Variants in LAMA4 observed in about 807,000 individuals in gnomAD.
LAMA4 encodes laminin subunit alpha-4.
LAMA4 carries 127 observed loss-of-function variants against 207.1 expected under a neutral mutation model. That is an observed-to-expected ratio of 0.61 (90% confidence interval 0.53 to 0.71). LAMA4 has a LOEUF of 0.71. Ranked by LOEUF, LAMA4 falls within the 30% of genes least tolerant of loss-of-function variation. The probability of loss-of-function intolerance (pLI) is 0.00; values close to 1 mark genes in which losing one functional copy is unlikely to be tolerated. For missense variants in LAMA4, 2,093 were observed against 2,246.5 expected, an observed-to-expected ratio of 0.93 and a Z score of 1.38; for synonymous variants, 761 against 816.0, an observed-to-expected ratio of 0.93 and a Z score of 1.15.
intron 3 of LAMA4, among the ~76,000 whole-genome samples, chr6:112,212,548 A>G (rs893562703): frequency 6.6e-6 from 1 of 152,128 alleles, no homozygotes; most frequent in Non-Finnish European, 1.5e-5. Flanking sequence ...TCTTATGTTG[A>G]TGGGCACACA....
chr6:112,178,366 T>C, intron 9 of LAMA4, 134 bp from the exon 10 acceptor site: 2 of 695,936 alleles, frequency 2.9e-6, no homozygotes, highest in Non-Finnish European at 2.6e-6. Flanking sequence ...CTATAACACA[T>C]GAAATCATCC....
chr6:112,121,821 A>T (rs782697396), intron 32 of LAMA4, 193 bp downstream of exon 32: 28 of 568,930 alleles, frequency 4.9e-5, no homozygotes, highest in Non-Finnish European at 8.6e-5. Context: ...GAACCTTACA[A>T]TTGGAAAGTC....
chr6:112,178,540 A>C (rs1486862414), intron 9 of LAMA4: 1 of 358,606 alleles, frequency 2.8e-6, no homozygotes, highest in Non-Finnish European at 5.3e-6. Context: ...AGCAGTATAC[A>C]CTGCACCATA....
chr6:112,194,535 A>T (rs182342547), intron 5 of LAMA4, among the ~76,000 whole-genome samples: 2 of 152,292 alleles, frequency 1.3e-5, no homozygotes, highest in Admixed American at 6.5e-5. Flanking sequence ...GGATTTAACA[A>T]AATGAGCATA....
chr6:112,254,213 CCCGCG>C lies in LAMA4; in HGVS notation c.-68_-64del. On this transcript the variant is annotated 5_prime_UTR_variant, in exon 2 of 39. Coordinates refer to ENST00000230538, the MANE Select transcript of LAMA4 (RefSeq NM_001105206.3). ...GGGCGCTGTGGGTCTCCGTAGGTCT[CCCGCG>C]TGGTGCGGCGGTGCCTCGCTTATTT... The C allele has an allele frequency of 1.9e-6, 3 of 1,605,808 alleles. No homozygotes were observed. The East Asian group carries it at 6.7e-5, about 36-fold the overall frequency.
intron 9 of LAMA4, among the ~76,000 whole-genome samples, chr6:112,184,101 G>A (rs1459099988): frequency 6.6e-6 from 1 of 152,020 alleles, no homozygotes; most frequent in African/African-American, 2.4e-5. Flanking sequence ...TGCTCTTCAA[G>A]CACTAGTGGT....
intron 5 of LAMA4, among the ~76,000 whole-genome samples, chr6:112,199,000 C>T (rs1554351334): frequency 1.3e-5 from 2 of 152,208 alleles, no homozygotes; most frequent in African/African-American, 2.4e-5. Flanking sequence ...GATTCACACT[C>T]ACCCAGGCTA....
chr6:112,147,940 G>T (rs1172733199), intron 18 of LAMA4, among the ~76,000 whole-genome samples: 2 of 152,096 alleles, frequency 1.3e-5, no homozygotes, highest in African/African-American at 2.4e-5. Context: ...TCCATCTAGT[G>T]TTCATACGAA....
intron 13 of LAMA4, among the ~76,000 whole-genome samples, chr6:112,160,500 G>C (rs1554338114): frequency 1.3e-5 from 2 of 152,054 alleles, no homozygotes; most frequent in African/African-American, 2.4e-5. Context: ...CTCCCTTCTA[G>C]CTTTTTCTCT....
chr6:112,212,338 C>T lies in LAMA4; in HGVS notation c.297+4030G>A, dbSNP rs573609187. 2.6e-5 allele frequency among the ~76,000 whole-genome samples: 4 copies of T among 151,880 alleles called. No individual in the cohort carries two copies. The South Asian group carries it at 6.2e-4, about 24-fold the overall frequency. On this transcript the variant is annotated intron_variant, in intron 3 of 38. Transcript: ENST00000230538. ...TCCTGGGTTCAAGTGATTCTCATGC[C>T]TCAGCTTCCCAAGTAGCTGGGATTA... is the stretch of plus-strand genomic sequence containing the variant.
At chr6:112,127,578 G>C (rs1554328065) in intron 31 of LAMA4, among the ~76,000 whole-genome samples, 1 of 152,124 alleles carries the variant, frequency 6.6e-6, no homozygotes, top group African/African-American at 2.4e-5. Flanking sequence ...ATCACATAGG[G>C]CCTCTTACAA....
chr6:112,120,628 T>C (rs1340611529), intron 32 of LAMA4, among the ~76,000 whole-genome samples, 156 bp from the exon 33 acceptor site: 6 of 152,248 alleles, frequency 3.9e-5, no homozygotes, highest in African/African-American at 1.4e-4. Flanking sequence ...TTAATGAATA[T>C]TAAATTAGCA....
intron 17 of LAMA4, among the ~76,000 whole-genome samples, chr6:112,150,210 C>T (rs1554335433): frequency 6.9e-6 from 1 of 144,400 alleles, no homozygotes; most frequent in African/African-American, 2.7e-5. Context: ...AAGACACACA[C>T]ACACACACAC....
At chr6:112,206,906 A>T (rs545600025) in intron 4 of LAMA4, 115 bp downstream of exon 4, 1 of 1,201,924 alleles carries the variant, frequency 8.3e-7, no homozygotes, top group Admixed American at 1.8e-5. Context: ...TCTCAATATG[A>T]GGTTTTGCCT....
At chr6:112,128,188 A>G (rs1778811141) in intron 31 of LAMA4, among the ~76,000 whole-genome samples, 1 of 152,220 alleles carries the variant, frequency 6.6e-6, no homozygotes, top group Admixed American at 6.5e-5. Context: ...TGTTAAGCAC[A>G]GGGACATTTC....
At position 112,158,876 on chromosome 6, in the gene LAMA4, G is replaced by A. The variant is rs137893207; in HGVS notation, c.1673C>T (p.Ala558Val). Residue 558 changes from alanine (A) to valine (V), a missense_variant, in exon 14 of 39, where the codon GCG becomes GTG. Around this residue, in one of 3 missense-constraint regions of LAMA4, gnomAD observed 1,704 missense variants for 1,788.4 expected, o/e 0.95. Transcript: ENST00000230538. ...ATCTATTTCTGCATAAATCCCTGAC[G>A]CATTCTAAAGAAAAAAATTTTAATA... The part of the protein sequence containing the change: ...LSELDDIIKN[A>V]SGIYAEIDGA... 2.9e-4 allele frequency: 465 copies of A among 1,605,556 alleles called. No individual in the cohort carries two copies. Among genetic ancestry groups the A allele is most frequent in the African/African-American group, 3.6e-4 (27 of 74,734 alleles).
chr6:112,243,368 A>G (rs939654607), intron 2 of LAMA4, among the ~76,000 whole-genome samples: 2 of 152,202 alleles, frequency 1.3e-5, no homozygotes, highest in Non-Finnish European at 1.5e-5. Context: ...AACAGCTATG[A>G]CTATGTGATT....
intron 18 of LAMA4, among the ~76,000 whole-genome samples, chr6:112,146,820 G>A (rs547560573): frequency 3.3e-4 from 51 of 152,294 alleles, no homozygotes; most frequent in African/African-American, 1.2e-3. Flanking sequence ...GATTAATACA[G>A]AGGTAAATAT....
chr6:112,190,650 C>T (rs2269646), intron 6 of LAMA4, among the ~76,000 whole-genome samples: 91,078 of 152,094 alleles, frequency 0.6, 29,067 homozygotes, highest in African/African-American at 0.83. Flanking sequence ...TGAATAAGAT[C>T]TGTGCGTTTC....
Sources: gnomAD v4.1 joint callset for allele counts (sites outside exome capture counted in the v4.1 genomes callset) on GRCh38, gnomAD v4.1.1 for gene constraint, gnomAD v4.1.1 regional missense constraint, MANE v1.5 for transcripts, NCBI Gene and HGNC (gene_info 2026-07-23, HGNC 2026-07-21) for gene names.